The following GPC6 variants were observed in gnomAD, a reference collection of about 807,000 sequenced individuals.
GPC6 encodes the protein glypican 6.
GPC6 carries 14 observed loss-of-function variants against 55.2 expected under a neutral mutation model. That is an observed-to-expected ratio of 0.25 (90% CI 0.17 to 0.40). The LOEUF (loss-of-function observed/expected upper bound fraction) is 0.40, where lower values mean the gene tolerates loss of function less well. GPC6 is among the 10% of genes least tolerant of loss of function. The pLI, the probability that GPC6 is intolerant of heterozygous loss-of-function variation, is 1.00. For synonymous variants in GPC6, 278 were observed against 259.6 expected (o/e 1.07, Z -0.68); for missense variants, 641 against 708.5 (o/e 0.90, Z 1.08).
intron 1 of GPC6, among the ~76,000 whole-genome samples, chr13:93,433,032 T>C (rs192049537): frequency 6.6e-6 from 1 of 152,230 alleles, no homozygotes; most frequent in African/African-American, 2.4e-5. Flanking sequence ...AATTGTTCTT[T>C]TTTTCACTTA....
intron 4 of GPC6, among the ~76,000 whole-genome samples, chr13:94,060,051 A>G (rs551486524): frequency 6.6e-6 from 1 of 152,194 alleles, no homozygotes; most frequent in African/African-American, 2.4e-5. Flanking sequence ...TTTGGTTTTC[A>G]AATTTATTAT....
At chr13:94,206,433 C>G (rs9589930) in intron 4 of GPC6, among the ~76,000 whole-genome samples, 1 of 152,036 alleles carries the variant, frequency 6.6e-6, no homozygotes, top group East Asian at 1.9e-4. Flanking sequence ...GTTTAATTTT[C>G]TATTAAGATT....
intron 3 of GPC6, among the ~76,000 whole-genome samples, chr13:93,888,522 A>T (rs1254156996): frequency 6.6e-6 from 1 of 152,134 alleles, no homozygotes; most frequent in African/African-American, 2.4e-5. Context: ...AGTCTTGGAA[A>T]ACACTTTTTA....
At chr13:94,184,556 C>T (rs1889107168) in intron 4 of GPC6, among the ~76,000 whole-genome samples, 1 of 152,116 alleles carries the variant, frequency 6.6e-6, no homozygotes, top group Admixed American at 6.5e-5. Context: ...CATCACTAAT[C>T]ATCAGAGAAA....
chr13:93,775,805 T>C (rs1885447297), intron 2 of GPC6, among the ~76,000 whole-genome samples: 1 of 146,232 alleles, frequency 6.8e-6, no homozygotes, highest in Non-Finnish European at 1.5e-5. Context: ...TTGGCGAATG[T>C]CGTCTAAACA....
intron 1 of GPC6, among the ~76,000 whole-genome samples, chr13:93,507,090 A>T (rs1362216975): frequency 2.7e-5 from 3 of 113,058 alleles, no homozygotes; most frequent in East Asian, 4.6e-4. Flanking sequence ...AAAAAAAAAA[A>T]GCCCGGAGTA....
At chr13:93,351,693 G>A (rs1253413476) in intron 1 of GPC6, among the ~76,000 whole-genome samples, 1 of 152,020 alleles carries the variant, frequency 6.6e-6, no homozygotes, top group African/African-American at 2.4e-5. Flanking sequence ...ATGGCACTAA[G>A]TACTCCATAA....
chr13:93,555,996 C>T (rs1478585728), intron 2 of GPC6, among the ~76,000 whole-genome samples: 1 of 152,140 alleles, frequency 6.6e-6, no homozygotes, highest in African/African-American at 2.4e-5. Context: ...TTAAGGTCAG[C>T]CAGTAACAGG....
intron 2 of GPC6, among the ~76,000 whole-genome samples, chr13:93,637,230 G>A (rs1594331448): frequency 1.3e-5 from 2 of 152,080 alleles, no homozygotes; most frequent in Admixed American, 1.3e-4. Flanking sequence ...TACTTTACTC[G>A]CTTTAAGGGT....
At chr13:94,052,162 G>A (rs542027612) in intron 4 of GPC6, among the ~76,000 whole-genome samples, 3 of 152,148 alleles carry the variant, frequency 2.0e-5, no homozygotes, top group African/African-American at 7.2e-5. Context: ...CAAAACAGAT[G>A]AGTGTGATTA....
intron 4 of GPC6, among the ~76,000 whole-genome samples, chr13:94,042,717 G>C (rs1329941874): frequency 6.6e-6 from 1 of 151,894 alleles, no homozygotes; most frequent in Non-Finnish European, 1.5e-5. Context: ...TTTAGGGAAA[G>C]TATTTGAAGT....
chr13:93,612,542 C>CACACACACACAA (rs1878525544), intron 2 of GPC6, among the ~76,000 whole-genome samples: 1 of 148,592 alleles, frequency 6.7e-6, no homozygotes, highest in South Asian at 2.2e-4. Context: ...CACACACACA[C>CACACACACACAA]AAACTTCATG....
At chr13:93,362,607 TA>T (rs1881080142) in intron 1 of GPC6, among the ~76,000 whole-genome samples, 2 of 151,976 alleles carry the variant, frequency 1.3e-5, no homozygotes, top group Admixed American at 1.3e-4. Flanking sequence ...ATATTCCAAA[TA>T]AATATGGCTG....
chr13:93,719,700 G>A (rs573133378), intron 2 of GPC6, among the ~76,000 whole-genome samples: 9 of 152,130 alleles, frequency 5.9e-5, no homozygotes, highest in Non-Finnish European at 1.3e-4. Flanking sequence ...TCCCCATTCA[G>A]TATGATATTG....
At chr13:94,108,350 G>T (rs1332836615) in intron 4 of GPC6, among the ~76,000 whole-genome samples, 1 of 152,044 alleles carries the variant, frequency 6.6e-6, no homozygotes, top group African/African-American at 2.4e-5. Flanking sequence ...AGGATTCAAG[G>T]GCATAAGAAT....
chr13:93,908,405 G>A (rs1485013324), intron 3 of GPC6, among the ~76,000 whole-genome samples: 1 of 152,156 alleles, frequency 6.6e-6, no homozygotes, highest in Non-Finnish European at 1.5e-5. Context: ...GGAAATGACA[G>A]GTCATGTACT....
chr13:93,516,894 A>G (rs1423369868), intron 1 of GPC6, among the ~76,000 whole-genome samples: 2 of 152,090 alleles, frequency 1.3e-5, no homozygotes, highest in African/African-American at 4.8e-5. Context: ...TGAATTAGAA[A>G]GATCATTACC....
intron 6 of GPC6, among the ~76,000 whole-genome samples, chr13:94,342,921 AGATTT>A (rs1219244762): frequency 6.6e-6 from 1 of 152,074 alleles, no homozygotes; most frequent in East Asian, 1.9e-4. Flanking sequence ...CTCCCAAAAG[AGATTT>A]GAGGGATTTC....
intron 4 of GPC6, among the ~76,000 whole-genome samples, chr13:94,130,086 C>G (rs770070962): frequency 2.6e-5 from 4 of 152,124 alleles, no homozygotes; most frequent in African/African-American, 7.2e-5. Context: ...TTAATGCTCT[C>G]ATACTGATTA....
Sources: allele counts gnomAD v4.1 joint callset (sites outside exome capture counted in the v4.1 genomes callset), GRCh38; gene constraint gnomAD v4.1.1; transcripts MANE v1.5; gene names NCBI Gene and HGNC (gene_info 2026-07-23, HGNC 2026-07-21).